CD44: variants seen among roughly 807,000 people sequenced by gnomAD.
CD44 encodes CD44 antigen.
Under a neutral mutation model 88.8 loss-of-function variants are expected in CD44, and 49 were observed. That is an observed-to-expected ratio of 0.55 (90% CI 0.44 to 0.70). The LOEUF (loss-of-function observed/expected upper bound fraction) is 0.70, where lower values mean the gene tolerates loss of function less well. CD44 is among the 30% of genes least tolerant of loss of function. The pLI, the probability that CD44 is intolerant of heterozygous loss-of-function variation, is 0.00. For synonymous variants in CD44, 325 were observed against 312.3 expected, an observed-to-expected ratio of 1.04 and a Z score of -0.43; for missense variants, 883 against 913.8, an observed-to-expected ratio of 0.97 and a Z score of 0.43.
At position 35,231,171 on chromosome 11, in the gene CD44, C is replaced by A. The variant is rs182547752; in HGVS notation, c.*1838C>A. ...GATCCATTTTCAGTGGTCTGGATTT[C>A]TTTTTATTTTCTTTTCAACTTGAAA... On this transcript the variant is annotated 3_prime_UTR_variant, in exon 18 of 18. Coordinates refer to ENST00000428726, the MANE Select transcript of CD44 (RefSeq NM_000610.4). 6.5e-6 allele frequency: 1 copy of A among 152,720 alleles called. No individual in the cohort carries two copies. Among genetic ancestry groups the A allele is most frequent in the East Asian group, 1.9e-4 (1 of 5,186 alleles). The allele number at this position is 152,720 out of a possible 1,614,324, so 9.5% of individuals were successfully genotyped here.
intron 1 of CD44, among the ~76,000 whole-genome samples, chr11:35,166,827 C>A (rs1290039483): frequency 6.6e-6 from 1 of 152,268 alleles, no homozygotes; most frequent in African/African-American, 2.4e-5. Flanking sequence ...CATCTGCCTC[C>A]AGGGCAATTC....
chr11:35,181,875 T>A (rs1179947248), intron 3 of CD44, among the ~76,000 whole-genome samples: 3 of 78,890 alleles, frequency 3.8e-5, no homozygotes, highest in East Asian at 2.5e-4. Context: ...ATATATATAT[T>A]ATATATAATT....
chr11:35,157,064 CT>C (rs1794956323), intron 1 of CD44, among the ~76,000 whole-genome samples: 1 of 151,828 alleles, frequency 6.6e-6, no homozygotes, highest in African/African-American at 2.4e-5. Flanking sequence ...AATAGCCTGT[CT>C]ACTCTATTGG....
chr11:35,148,108 C>G (rs992858293), intron 1 of CD44, among the ~76,000 whole-genome samples: 1 of 151,784 alleles, frequency 6.6e-6, no homozygotes, highest in Non-Finnish European at 1.5e-5. Flanking sequence ...AAAAAAGGTG[C>G]CAGGGAGAAA....
At chr11:35,217,118 A>G (rs913114219) in intron 15 of CD44, among the ~76,000 whole-genome samples, 1 of 151,496 alleles carries the variant, frequency 6.6e-6, no homozygotes, top group Non-Finnish European at 1.5e-5. Flanking sequence ...TCTCACATCC[A>G]TCTTCTGTGG....
intron 1 of CD44, among the ~76,000 whole-genome samples, chr11:35,163,727 C>G (rs777376088): frequency 2.0e-5 from 3 of 152,132 alleles, no homozygotes; most frequent in Non-Finnish European, 4.4e-5. Flanking sequence ...GCTCCCTCCC[C>G]CCAGCTAAAT....
chr11:35,219,796 G>A (rs1487205494), intron 16 of CD44, among the ~76,000 whole-genome samples: 5 of 152,182 alleles, frequency 3.3e-5, no homozygotes, highest in African/African-American at 1.2e-4. Flanking sequence ...TACGATTACA[G>A]ACAGGGAGGA....
At chr11:35,184,400 G>A (rs903006716) in intron 3 of CD44, among the ~76,000 whole-genome samples, 8 of 152,164 alleles carry the variant, frequency 5.3e-5, no homozygotes, top group Admixed American at 1.3e-4. Flanking sequence ...TTTGAAGTTA[G>A]GGGAGATTGT....
In CD44 at chr11:35,197,017, T is replaced by C. The variant is rs1946824636; in HGVS notation, c.796+143T>C. On this transcript the variant is annotated intron_variant, in intron 6 of 17. Coordinates refer to ENST00000428726, the MANE Select transcript of CD44 (RefSeq NM_000610.4). ...ATGACTTCAGAAGGATCATTAACTC[T>C]GGTATCTGTTTGTTTGCTTGTATGG... The C allele has an allele frequency of 8.1e-6, 6 of 741,188 alleles. No homozygotes were observed. In the Admixed American group the frequency reaches 1.4e-4, roughly 17 times the overall value. The allele number at this position is 741,188 out of a possible 1,614,324, so 45.9% of individuals were successfully genotyped here.
chr11:35,208,922 T>A (rs192458429), intron 12 of CD44, among the ~76,000 whole-genome samples: 75 of 152,326 alleles, frequency 4.9e-4, no homozygotes, highest in African/African-American at 1.7e-3. Flanking sequence ...GTCCTTCATA[T>A]GAGCCCTTTA....
chr11:35,205,083 G>A (rs1166302089), intron 10 of CD44, among the ~76,000 whole-genome samples: 1 of 152,218 alleles, frequency 6.6e-6, no homozygotes, highest in Non-Finnish European at 1.5e-5. Flanking sequence ...CAGACATTAT[G>A]TGAAAAGTGA....
chr11:35,227,181 T>C (rs892738333), intron 17 of CD44, among the ~76,000 whole-genome samples: 1 of 152,040 alleles, frequency 6.6e-6, no homozygotes, highest in African/African-American at 2.4e-5. Flanking sequence ...TGAGCCATTG[T>C]GCCTGGTCTC....
intron 1 of CD44, among the ~76,000 whole-genome samples, chr11:35,141,032 T>A (rs923897350): frequency 6.7e-6 from 1 of 149,084 alleles, no homozygotes; most frequent in Non-Finnish European, 1.5e-5. Context: ...AAAAAAAAAA[T>A]GAATACAGTG....
At chr11:35,145,294 A>G (rs1361450940) in intron 1 of CD44, among the ~76,000 whole-genome samples, 1 of 152,240 alleles carries the variant, frequency 6.6e-6, no homozygotes, top group East Asian at 1.9e-4. Context: ...ATGAATGTCT[A>G]GAATATAAAA....
chr11:35,223,698 T>G (rs1228043568), intron 17 of CD44, among the ~76,000 whole-genome samples: 1 of 152,154 alleles, frequency 6.6e-6, no homozygotes, highest in East Asian at 1.9e-4. Context: ...ATGTCCTGAT[T>G]TGATAATTGA....
At chr11:35,176,096 G>A (rs1405958299) in intron 1 of CD44, among the ~76,000 whole-genome samples, 1 of 147,362 alleles carries the variant, frequency 6.8e-6, no homozygotes, top group African/African-American at 2.5e-5. Flanking sequence ...AGGCTGGAGT[G>A]CAGTGGCGCG....
rs1308272863 is a variant in CD44, at chr11:35,176,065, C to G, written c.68-510C>G. 1.4e-3 allele frequency among the ~76,000 whole-genome samples: 174 copies of G among 120,548 alleles called. 4 individuals carry two copies. The highest frequency in any genetic ancestry group is 5.2e-4 in the Non-Finnish European group (30 of 57,426). The allele number at this position is 120,548 out of a possible 152,430, so 79.1% of individuals were successfully genotyped here. On this transcript the variant is annotated intron_variant, in intron 1 of 17. Transcript: ENST00000428726. ...TTTTTTTTTTTTTTTTTTTTTGAAA[C>G]GGAGTCTTGCTCTGTCGCCCAGGCT...
chr11:35,200,969 C>T (rs759473147), intron 7 of CD44, 113 bp from the exon 8 acceptor site: 2 of 787,390 alleles, frequency 2.5e-6, no homozygotes, highest in Non-Finnish European at 4.5e-6. Flanking sequence ...ATCTATACAA[C>T]CTGGTATAGA....
In CD44 at chr11:35,168,977, G is replaced by A. The variant is rs890130160; in HGVS notation, c.68-7598G>A. Among the ~76,000 whole-genome samples, 3 of 152,310 alleles carry A rather than the reference G, an allele frequency of 2.0e-5. No homozygotes were observed. The South Asian group carries it at 6.2e-4, about 32-fold the overall frequency. On this transcript the variant is annotated intron_variant, in intron 1 of 17. Transcript: ENST00000428726. ...GGTCTCTGAAACATTTGCTTTCGGG[G>A]AAAACAGCAAATGTTCACAGAAGCA...
Sources: allele counts gnomAD v4.1 joint callset (sites outside exome capture counted in the v4.1 genomes callset), GRCh38; gene constraint gnomAD v4.1.1; transcripts MANE v1.5; gene names NCBI Gene and HGNC (gene_info 2026-07-23, HGNC 2026-07-21).